ZNF18: variants seen among roughly 807,000 people sequenced by gnomAD.
ZNF18 encodes zinc finger protein 18.
ZNF18 carries 42 observed loss-of-function variants against 58.1 expected under a neutral mutation model. The ratio of observed to expected loss-of-function variants is 0.72; its 90% CI spans 0.56 to 0.93. The LOEUF (loss-of-function observed/expected upper bound fraction) is 0.93. Ranked by LOEUF, ZNF18 falls within the 40% of genes least tolerant of loss-of-function variation. ZNF18 has a pLI of 0.00. For synonymous variants in ZNF18, 231 were observed against 239.8 expected (o/e 0.96, Z 0.34); for missense variants, 540 against 644.2 (o/e 0.84, Z 1.75).
At chr17:12,007,215 G>T in the ZNF18 span, among the ~76,000 whole-genome samples, 1 of 152,122 alleles carries the variant, frequency 6.6e-6, no homozygotes, top group Non-Finnish European at 1.5e-5. Flanking sequence ...ACTCTATGTT[G>T]ATCTCCCTTT....
the ZNF18 span, among the ~76,000 whole-genome samples, chr17:12,019,713 G>A: frequency 1.9e-3 from 290 of 152,302 alleles, 1 homozygote; most frequent in African/African-American, 6.7e-3. Context: ...GAACAAGAAG[G>A]CAGGGCTATT....
Position 11,991,014 on chromosome 17 carries a change from G to A in ZNF18, c.537C>T (p.Ser179=). Residue 179 remains serine (S), a synonymous_variant, in exon 3 of 7, where the codon AGC becomes AGT. Coordinates refer to ENST00000580306, the MANE Select transcript of ZNF18 (RefSeq NM_001303281.2). ...TGTCAGATTCCTCTTTCACGATGTGGCTCAGAAGCTCCCCAGGCCCTGAGG... is the reference window on the plus strand; with the variant it reads ...TGTCAGATTCCTCTTTCACGATGTGACTCAGAAGCTCCCCAGGCCCTGAGG... ...NSSSGPGELL[S]HIVKEESDTE... is the part of the protein sequence containing the mutation. 6.2e-7 allele frequency: 1 copy of A among 1,614,046 alleles called. No individual in the cohort carries two copies. The highest frequency in any genetic ancestry group is 1.1e-5 in the South Asian group (1 of 91,074).
intron 3 of ZNF18, 109 bp from the exon 4 acceptor site, chr17:11,990,659 G>C (rs1229706460): frequency 2.4e-6 from 2 of 819,888 alleles, no homozygotes; most frequent in East Asian, 5.4e-5. Context: ...AACAATACCT[G>C]TACTGCCATC....
chr17:11,978,307 T>A lies in ZNF18; in HGVS notation c.1300A>T (p.Thr434Ser). The A allele has an allele frequency of 6.2e-7, 1 of 1,602,718 alleles. No homozygotes were observed. The highest frequency in any genetic ancestry group is 8.5e-7 in the Non-Finnish European group (1 of 1,175,556). Reference protein sequence around the residue: ...IFHQRTHTGETYFQCTICKKA... With the variant: ...IFHQRTHTGESYFQCTICKKA... ...TTGCAGATGGTGCACTGAAAGTATGTCTCTCCGGTGTGAGTTCTTTGGTGA... is the reference window on the plus strand; with the variant it reads ...TTGCAGATGGTGCACTGAAAGTATGACTCTCCGGTGTGAGTTCTTTGGTGA... Residue 434 changes from threonine to serine, a missense_variant, in exon 7 of 7, where the codon ACA becomes TCA. Coordinates refer to ENST00000580306, the MANE Select transcript of ZNF18 (RefSeq NM_001303281.2).
chr17:12,004,087 C>T, the ZNF18 span, among the ~76,000 whole-genome samples: 3 of 152,108 alleles, frequency 2.0e-5, no homozygotes, highest in South Asian at 2.1e-4. Context: ...AAAAATTAGC[C>T]GGGTGCAGTG....
intron 1 of ZNF18, chr17:11,996,677 AGTGCATTCTAG>A (rs916862887): frequency 3.9e-5 from 6 of 152,228 alleles, no homozygotes; most frequent in Admixed American, 3.3e-4. Context: ...AATTTTTAAA[AGTGCATTCTAG>A]GTGTAATATA....
chr17:12,018,234 C>T, the ZNF18 span, among the ~76,000 whole-genome samples: 3 of 152,208 alleles, frequency 2.0e-5, no homozygotes, highest in African/African-American at 7.2e-5. Flanking sequence ...ATGCCAGCTA[C>T]CACCATTATT....
the ZNF18 span, among the ~76,000 whole-genome samples, chr17:12,006,119 CTG>C: frequency 1.3e-5 from 2 of 152,136 alleles, no homozygotes; most frequent in East Asian, 3.9e-4. Context: ...TGGCACTGAT[CTG>C]TGAGTGGCAT....
the ZNF18 span, among the ~76,000 whole-genome samples, chr17:12,018,661 T>C: frequency 1.3e-5 from 2 of 152,194 alleles, no homozygotes; most frequent in Non-Finnish European, 2.9e-5. Context: ...GTAAGAGAAA[T>C]GTGAGCATAA....
rs1967142909 is a variant in ZNF18 at position 11,978,649 on chromosome 17, G to C, written c.958C>G (p.Pro320Ala). 1 of 1,613,610 alleles carries C rather than the reference G, an allele frequency of 6.2e-7. No individual in the cohort carries two copies. The highest frequency in any genetic ancestry group is 8.5e-7 in the Non-Finnish European group (1 of 1,179,996). Residue 320 changes from proline to alanine, a missense_variant, in exon 7 of 7, where the codon CCT (proline) becomes GCT (alanine). Transcript: ENST00000580306. ...AAGCCCCTCAAGGAAGCCTGAGAAG[G>C]AACCTCTCCTGAAGCTTGACAGGAA... Reference protein sequence around the residue: ...HASCQASGEVPSQASLRGFFT... With the variant: ...HASCQASGEVASQASLRGFFT...
At chr17:11,995,867 T>C (rs1269173141) in intron 1 of ZNF18, among the ~76,000 whole-genome samples, 3 of 152,152 alleles carry the variant, frequency 2.0e-5, no homozygotes, top group African/African-American at 7.2e-5. Flanking sequence ...ATCTTAAAAT[T>C]AGCTCTAAAA....
chr17:11,996,492 A>T (rs185617910), intron 1 of ZNF18, among the ~76,000 whole-genome samples: 2 of 152,284 alleles, frequency 1.3e-5, no homozygotes, highest in Non-Finnish European at 2.9e-5. Context: ...TTATACTCCC[A>T]GGTAGTGTGT....
chr17:12,010,295 A>T, the ZNF18 span, among the ~76,000 whole-genome samples: 46 of 152,344 alleles, frequency 3.0e-4, no homozygotes, highest in African/African-American at 1.1e-3. Flanking sequence ...ATAGAAACTC[A>T]GTACATTTAT....
the ZNF18 span, among the ~76,000 whole-genome samples, chr17:12,016,026 A>G: frequency 6.6e-6 from 1 of 152,306 alleles, no homozygotes; most frequent in South Asian, 2.1e-4. Flanking sequence ...CCTGACCTCA[A>G]GTAATCTGTC....
chr17:11,999,628 C>G (rs979126896), upstream of ZNF18, among the ~76,000 whole-genome samples: 1 of 152,190 alleles, frequency 6.6e-6, no homozygotes, highest in Non-Finnish European at 1.5e-5. Flanking sequence ...CAGCACTCTT[C>G]CAATAGCTAT....
chr17:11,984,100 C>T lies in ZNF18; in HGVS notation c.751+13G>A, dbSNP rs781760272. ...CTTCTACCTCCTTCCATCAGACTAA[C>T]CCACACCCTCACCTCCTGAGACCAT... On this transcript the variant is annotated intron_variant, in intron 5 of 6. Coordinates refer to ENST00000580306, the MANE Select transcript of ZNF18 (RefSeq NM_001303281.2). The T allele has an allele frequency of 1.9e-6, 3 of 1,610,002 alleles. No homozygotes were observed. Among genetic ancestry groups the T allele is most frequent in the Middle Eastern group, 1.7e-4 (1 of 5,994 alleles).
intron 1 of ZNF18, among the ~76,000 whole-genome samples, chr17:11,994,032 G>C (rs936669085): frequency 2.6e-5 from 4 of 151,964 alleles, no homozygotes; most frequent in African/African-American, 9.7e-5. Flanking sequence ...TAACTTTCTT[G>C]CAAGTAATCA....
chr17:11,998,629 C>T (rs1968599382), upstream of ZNF18, among the ~76,000 whole-genome samples: 1 of 151,898 alleles, frequency 6.6e-6, no homozygotes, highest in Non-Finnish European at 1.5e-5. Context: ...CTGTACCTGT[C>T]CCATGTTTAC....
intron 6 of ZNF18, among the ~76,000 whole-genome samples, chr17:11,980,465 G>C (rs1967265835): frequency 6.6e-6 from 1 of 151,992 alleles, no homozygotes; most frequent in Non-Finnish European, 1.5e-5. Flanking sequence ...CTGTCACCCA[G>C]GCTGGAGTGC....
Sources: allele counts gnomAD v4.1 joint callset (sites outside exome capture counted in the v4.1 genomes callset), GRCh38; gene constraint gnomAD v4.1.1; transcripts MANE v1.5; gene names NCBI Gene and HGNC (gene_info 2026-07-23, HGNC 2026-07-21).